ZNF407: variants seen among roughly 807,000 people sequenced by gnomAD.
The protein encoded by ZNF407 is zinc finger protein 407.
Under a neutral mutation model 131.2 loss-of-function variants are expected in ZNF407, and 17 were observed. The observed-to-expected ratio is 0.13, with a 90% confidence interval of 0.09 to 0.19. The LOEUF (loss-of-function observed/expected upper bound fraction) is 0.19, where lower values mean the gene tolerates loss of function less well. ZNF407 is among the 10% of genes least tolerant of loss of function. The probability of loss-of-function intolerance (pLI) is 1.00; values close to 1 mark genes in which losing one functional copy is unlikely to be tolerated. For synonymous variants in ZNF407, 1,156 were observed against 1,062.0 expected, an observed-to-expected ratio of 1.09 and a Z score of -1.72; for missense variants, 2,681 against 2,830.6, an observed-to-expected ratio of 0.95 and a Z score of 1.20.
chr18:74,907,074 A>G (rs1971606381), intron 7 of ZNF407, among the ~76,000 whole-genome samples: 2 of 152,208 alleles, frequency 1.3e-5, no homozygotes, highest in South Asian at 4.1e-4. Flanking sequence ...GAAAGGACCC[A>G]TACCTACATG....
chr18:74,665,523 G>A (rs970055508), intron 3 of ZNF407, among the ~76,000 whole-genome samples: 9 of 152,160 alleles, frequency 5.9e-5, no homozygotes, highest in African/African-American at 2.2e-4. Flanking sequence ...AGTTACAGTG[G>A]TGATGAGAAA....
At chr18:74,849,786 GATA>G (rs1335532053) in intron 4 of ZNF407, among the ~76,000 whole-genome samples, 7 of 152,186 alleles carry the variant, frequency 4.6e-5, no homozygotes, top group Non-Finnish European at 1.0e-4. Flanking sequence ...TTCAAGAAAA[GATA>G]ATAAGATTGA....
At chr18:74,929,998 C>T (rs1334535918) in intron 8 of ZNF407, among the ~76,000 whole-genome samples, 3 of 152,186 alleles carry the variant, frequency 2.0e-5, no homozygotes, top group Admixed American at 1.3e-4. Flanking sequence ...ATACTACTTA[C>T]GAAAGCCTGA....
At chr18:74,891,159 A>G (rs534596280) in intron 7 of ZNF407, among the ~76,000 whole-genome samples, 2 of 152,326 alleles carry the variant, frequency 1.3e-5, no homozygotes, top group East Asian at 1.9e-4. Context: ...GCCAGGTCAC[A>G]TTGTGCCTGA....
chr18:74,833,763 G>A (rs1970517738), intron 4 of ZNF407, among the ~76,000 whole-genome samples: 1 of 152,182 alleles, frequency 6.6e-6, no homozygotes, highest in South Asian at 2.1e-4. Context: ...CGGGCCAGGT[G>A]GTGGTGGTGG....
chr18:74,713,919 T>TAAAA (rs1426831950), intron 3 of ZNF407, among the ~76,000 whole-genome samples: 1 of 152,178 alleles, frequency 6.6e-6, no homozygotes, highest in Non-Finnish European at 1.5e-5. Context: ...CAGTAGTGAT[T>TAAAA]AAAAGGCTTA....
chr18:74,861,454 A>G (rs1013976289), intron 4 of ZNF407, among the ~76,000 whole-genome samples: 1 of 152,226 alleles, frequency 6.6e-6, no homozygotes, highest in Non-Finnish European at 1.5e-5. Flanking sequence ...AGATAAGGCT[A>G]TGTTAGTGTC....
rs10469099 is a variant in ZNF407, at chr18:74,993,238, A to G, written c.5429-69912A>G. On this transcript the variant is annotated intron_variant, in intron 8 of 8. Coordinates refer to ENST00000299687, the MANE Select transcript of ZNF407 (RefSeq NM_017757.3). ...ATGTTTATAATAGCTATTTATAGTCAAAAGCTAAAAATAACTCTAGTGCCC... is the reference window on the plus strand; with the variant it reads ...ATGTTTATAATAGCTATTTATAGTCGAAAGCTAAAAATAACTCTAGTGCCC... Among the ~76,000 whole-genome samples, 605 of 152,362 alleles carry G rather than the reference A, an allele frequency of 4.0e-3. 11 individuals carry two copies. Among genetic ancestry groups the G allele is most frequent in the African/African-American group, 0.014 (573 of 41,592 alleles).
intron 1 of ZNF407, among the ~76,000 whole-genome samples, chr18:74,599,068 CAG>C (rs1982454676): frequency 2.0e-5 from 3 of 152,178 alleles, no homozygotes; most frequent in Admixed American, 2.0e-4. Context: ...ACACTGTAGA[CAG>C]GGGCCCTAAC....
At chr18:74,906,431 G>A (rs1971595973) in intron 7 of ZNF407, among the ~76,000 whole-genome samples, 1 of 152,176 alleles carries the variant, frequency 6.6e-6, no homozygotes, top group African/African-American at 2.4e-5. Context: ...GCTCTGCTGT[G>A]GTTTGTCAGG....
chr18:74,643,105 G>T (rs954733914), intron 3 of ZNF407, among the ~76,000 whole-genome samples: 23 of 151,980 alleles, frequency 1.5e-4, no homozygotes, highest in African/African-American at 5.6e-4. Flanking sequence ...TGTTTCAAAG[G>T]GATAGGGCAG....
Position 75,059,031 on chromosome 18 carries a change from C to T in ZNF407, c.5429-4119C>T, listed in dbSNP as rs72965960. ...ATGGACCCGCGCTCGCATTTATGAA[C>T]TGTGATGGACTCGCTGGGCCTGTGC... is the stretch of plus-strand genomic sequence containing the variant. On this transcript the variant is annotated intron_variant, in intron 8 of 8. Transcript: ENST00000299687. 3.5e-3 allele frequency among the ~76,000 whole-genome samples: 531 copies of T among 152,288 alleles called. 1 individual carries two copies. The highest frequency in any genetic ancestry group is 4.6e-3 in the Non-Finnish European group (315 of 68,018).
intron 8 of ZNF407, among the ~76,000 whole-genome samples, chr18:75,031,988 A>G (rs1225291836): frequency 6.6e-6 from 1 of 152,228 alleles, no homozygotes; most frequent in African/African-American, 2.4e-5. Flanking sequence ...AGATATTTAC[A>G]TAATTTAAAT....
At chr18:74,786,495 G>T (rs992876712) in intron 4 of ZNF407, among the ~76,000 whole-genome samples, 1 of 150,728 alleles carries the variant, frequency 6.6e-6, no homozygotes, top group Non-Finnish European at 1.5e-5. Context: ...CCCCATGATG[G>T]CCAATTTAGG....
chr18:74,705,642 A>G (rs986613826), intron 3 of ZNF407, among the ~76,000 whole-genome samples: 1 of 152,212 alleles, frequency 6.6e-6, no homozygotes, highest in Non-Finnish European at 1.5e-5. Context: ...CTCAGAATTT[A>G]TGTTGATGAA....
chr18:74,854,956 T>G (rs946429029), intron 4 of ZNF407, among the ~76,000 whole-genome samples: 1 of 152,232 alleles, frequency 6.6e-6, no homozygotes, highest in Non-Finnish European at 1.5e-5. Flanking sequence ...AAATATTTCT[T>G]TCTTGTTAGG....
chr18:74,668,165 G>A (rs894110580), intron 3 of ZNF407, among the ~76,000 whole-genome samples: 3 of 152,072 alleles, frequency 2.0e-5, no homozygotes, highest in African/African-American at 4.8e-5. Context: ...ACCTAACTTC[G>A]CTGGACTGGT....
chr18:74,973,640 G>A (rs145586857), intron 8 of ZNF407, among the ~76,000 whole-genome samples: 1 of 152,242 alleles, frequency 6.6e-6, no homozygotes, highest in African/African-American at 2.4e-5. Flanking sequence ...TGCACAGGCC[G>A]CCATAACAAA....
intron 3 of ZNF407, among the ~76,000 whole-genome samples, chr18:74,735,005 A>G (rs1047653412): frequency 6.6e-6 from 1 of 152,158 alleles, no homozygotes. Context: ...TGTCCTTTAC[A>G]TATTGACTAG....
Sources: allele counts gnomAD v4.1 joint callset (sites outside exome capture counted in the v4.1 genomes callset), GRCh38; gene constraint gnomAD v4.1.1; transcripts MANE v1.5; gene names NCBI Gene and HGNC (gene_info 2026-07-23, HGNC 2026-07-21).